Variants in MCOLN2 observed in about 807,000 individuals in gnomAD.
The protein encoded by MCOLN2 is mucolipin TRP cation channel 2, also known as mucolipin-2.
MCOLN2 carries 57 observed loss-of-function variants against 67.5 expected under a neutral mutation model. The observed-to-expected ratio is 0.84, with a 90% CI of 0.68 to 1.05. The LOEUF (loss-of-function observed/expected upper bound fraction) is 1.05, where lower values mean the gene tolerates loss of function less well. Ranked by LOEUF, MCOLN2 falls within the 50% of genes least tolerant of loss-of-function variation. The pLI is 0.00. For missense variants in MCOLN2, 620 were observed against 678.8 expected (o/e 0.91, Z 0.96); for synonymous variants, 246 against 233.3 (o/e 1.05, Z -0.50).
chr1:84,931,515 A>G lies in MCOLN2; in HGVS notation c.1389T>C (p.Asp463=), dbSNP rs1647192138. 2.5e-6 allele frequency: 4 copies of G among 1,614,110 alleles called. No homozygotes were observed. Among genetic ancestry groups the G allele is most frequent in the Non-Finnish European group, 3.4e-6 (4 of 1,179,988 alleles). Residue 463 remains aspartate, a synonymous_variant, in exon 12 of 14, where the codon GAT becomes GAC. Transcript: ENST00000370608. The part of the protein sequence containing the change: ...AECLFSLVNG[D]DMFATFAQIQ... ...TTTGGGCAAAGGTTGCAAACATGTCATCACCGTTGACCAGAGAAAACAGAC... is the reference window on the plus strand; with the variant it reads ...TTTGGGCAAAGGTTGCAAACATGTCGTCACCGTTGACCAGAGAAAACAGAC...
chr1:84,926,804 T>G (rs1661181987), intron 13 of MCOLN2, 83 bp from the exon 14 acceptor site: 1 of 1,017,572 alleles, frequency 9.8e-7, no homozygotes, highest in Admixed American at 2.4e-5. Flanking sequence ...CTCTATATTC[T>G]AGGCCCGTAG....
intron 2 of MCOLN2, among the ~76,000 whole-genome samples, chr1:84,964,858 A>G (rs1649292193): frequency 6.9e-6 from 1 of 144,766 alleles, no homozygotes; most frequent in Non-Finnish European, 1.5e-5. Flanking sequence ...GCAGTACTGC[A>G]AGCCATGGGG....
intron 6 of MCOLN2, among the ~76,000 whole-genome samples, chr1:84,949,072 C>A (rs1252094345): frequency 6.6e-6 from 1 of 152,006 alleles, no homozygotes; most frequent in South Asian, 2.1e-4. Flanking sequence ...GGAGGCTGCA[C>A]TGAGCTGAGA....
At chr1:84,973,535 C>T (rs1402836981) in intron 1 of MCOLN2, among the ~76,000 whole-genome samples, 1 of 152,120 alleles carries the variant, frequency 6.6e-6, no homozygotes, top group African/African-American at 2.4e-5. Context: ...GTATGTGAGA[C>T]ATCCTGGGGA....
At chr1:84,933,338 A>G (rs1313110735) in intron 11 of MCOLN2, among the ~76,000 whole-genome samples, 3 of 152,158 alleles carry the variant, frequency 2.0e-5, no homozygotes, top group African/African-American at 7.2e-5. Flanking sequence ...CAGGCAAGGT[A>G]AAGTTGGTGG....
rs766692176 is a variant in MCOLN2 at position 84,926,721 on chromosome 1, C to T, written c.1665G>A (p.Arg555=). The T allele has an allele frequency of 3.8e-6, 6 of 1,592,380 alleles. No homozygotes were observed. The highest frequency in any genetic ancestry group is 5.1e-6 in the Non-Finnish European group (6 of 1,166,684). The change falls in exon 14 of 14, where the codon AGG becomes AGA. Residue 555 remains arginine, a splice_region_variant and synonymous_variant. Transcript: ENST00000370608. ...AFLSCICCRR[R]KRSDDHLIPI... ...GTATCAAGTGATCATCACTTCTTTTCCTGTAACAGAAAGGGAAAGAAGAAA... is the reference window on the plus strand; with the variant it reads ...GTATCAAGTGATCATCACTTCTTTTTCTGTAACAGAAAGGGAAAGAAGAAA...
intron 12 of MCOLN2, chr1:84,929,922 G>A: frequency 3.6e-6 from 1 of 274,276 alleles, no homozygotes; most frequent in Non-Finnish European, 6.8e-6. Flanking sequence ...GAGCCAGGGA[G>A]AGGTTTTTTT....
intron 1 of MCOLN2, among the ~76,000 whole-genome samples, chr1:84,996,263 A>G (rs10873677): frequency 0.49 from 74,021 of 150,922 alleles, 18,482 homozygotes; most frequent in Middle Eastern, 0.54. Flanking sequence ...CCTGACACCC[A>G]TAAGAAACCT....
intron 7 of MCOLN2, 32 bp from the exon 8 acceptor site, chr1:84,941,023 C>T: frequency 7.3e-7 from 1 of 1,366,654 alleles, no homozygotes; most frequent in South Asian, 1.2e-5. Context: ...AAATGTTAAA[C>T]ACACCTTACC....
chr1:84,948,684 C>T (rs1648244935), intron 6 of MCOLN2, among the ~76,000 whole-genome samples: 1 of 152,002 alleles, frequency 6.6e-6, no homozygotes, highest in Non-Finnish European at 1.5e-5. Context: ...TTCAATGAAA[C>T]CAGGAACATA....
intron 1 of MCOLN2, among the ~76,000 whole-genome samples, chr1:84,995,679 A>G (rs1651107423): frequency 6.6e-6 from 1 of 152,188 alleles, no homozygotes; most frequent in African/African-American, 2.4e-5. Flanking sequence ...AGCCAAAGAG[A>G]TCAGCTTGTG....
At chr1:84,994,762 A>G (rs1651063539) in intron 1 of MCOLN2, among the ~76,000 whole-genome samples, 1 of 152,092 alleles carries the variant, frequency 6.6e-6, no homozygotes, top group Non-Finnish European at 1.5e-5. Flanking sequence ...TATCATTTGT[A>G]TTTTCACTGG....
chr1:84,941,037 G>A (rs1443621056), intron 7 of MCOLN2, 46 bp from the exon 8 acceptor site: 4 of 1,264,918 alleles, frequency 3.2e-6, no homozygotes, highest in Non-Finnish European at 4.5e-6. Flanking sequence ...CCTTACCGGA[G>A]AATAATTTCC....
intron 6 of MCOLN2, among the ~76,000 whole-genome samples, chr1:84,949,868 C>T (rs1648326703): frequency 6.6e-6 from 1 of 151,868 alleles, no homozygotes; most frequent in Admixed American, 6.6e-5. Flanking sequence ...GAAATAAAGA[C>T]CTCCCCAGAC....
intron 12 of MCOLN2, among the ~76,000 whole-genome samples, chr1:84,930,479 C>G (rs1661355207): frequency 6.6e-6 from 1 of 151,940 alleles, no homozygotes; most frequent in South Asian, 2.1e-4. Context: ...ATGAGATAAC[C>G]TACTTCAACA....
intron 13 of MCOLN2, 77 bp downstream of exon 13, chr1:84,929,481 G>C: frequency 2.1e-6 from 3 of 1,430,552 alleles, no homozygotes; most frequent in Non-Finnish European, 2.8e-6. Flanking sequence ...GAATGTAATG[G>C]TAATCTTGGA....
At chr1:84,951,352 A>T (rs953923692) in intron 6 of MCOLN2, among the ~76,000 whole-genome samples, 1 of 152,188 alleles carries the variant, frequency 6.6e-6, no homozygotes, top group Admixed American at 6.5e-5. Context: ...TTAGTCCCTT[A>T]ATGAACAGGG....
intron 7 of MCOLN2, among the ~76,000 whole-genome samples, chr1:84,944,128 C>T (rs1647954046): frequency 6.6e-6 from 1 of 152,154 alleles, no homozygotes. Context: ...GATGGGAAAA[C>T]AAGCAGGCTT....
rs774204079 is a variant in MCOLN2, at chr1:84,931,405, CTG to C, written c.1497_1498del (p.Leu501PhefsTer10). 6.3e-7 allele frequency: 1 copy of C among 1,597,704 alleles called. No individual in the cohort carries two copies. The highest frequency in any genetic ancestry group is 8.6e-7 in the Non-Finnish European group (1 of 1,165,364). The stretch of plus-strand genomic sequence containing the variant: ...ATCTGTAATAAGTGCAATAAAAAGA[CTG>C]AGAATCATATATATAAAAAGGCTGA... On this transcript the variant is annotated frameshift_variant, in exon 12 of 14. Coordinates refer to ENST00000370608, the MANE Select transcript of MCOLN2 (RefSeq NM_153259.4). LOFTEE classifies it high-confidence loss of function.
Sources: allele counts gnomAD v4.1 joint callset (sites outside exome capture counted in the v4.1 genomes callset), GRCh38; gene constraint gnomAD v4.1.1; transcripts MANE v1.5; gene names NCBI Gene and HGNC (gene_info 2026-07-23, HGNC 2026-07-21).